The following TTLL3 variants were observed in gnomAD, a reference collection of about 807,000 sequenced individuals.
The protein encoded by TTLL3 is tubulin tyrosine ligase like 3, also known as tubulin monoglycylase TTLL3.
Under a neutral mutation model 75.2 loss-of-function variants are expected in TTLL3, and 63 were observed. That is an observed-to-expected ratio of 0.84 (90% confidence interval 0.68 to 1.03). The LOEUF is 1.03. Among genes scored for constraint, TTLL3 ranks in the 50% least tolerant of loss-of-function variants. The probability of loss-of-function intolerance (pLI) is 0.00; values close to 1 mark genes in which losing one functional copy is unlikely to be tolerated. For synonymous variants in TTLL3, 393 were observed against 418.5 expected (o/e 0.94, Z 0.74); for missense variants, 997 against 1,069.9 (o/e 0.93, Z 0.95).
At chr3:9,828,930 T>C (rs1180971272) in intron 10 of TTLL3, 30 bp from the exon 11 acceptor site, 7 of 1,610,666 alleles carry the variant, frequency 4.3e-6, no homozygotes, top group Non-Finnish European at 5.9e-6. Context: ...CACAAGGGCC[T>C]GGACCTCAGT....
At position 9,822,062 on chromosome 3, in the gene TTLL3, C is replaced by CTTTT. The variant is rs1201552537; in HGVS notation, c.854+1339_854+1342dup. On this transcript the variant is annotated intron_variant, in intron 8 of 13. Coordinates refer to ENST00000685419, the MANE Select transcript of TTLL3 (RefSeq NM_001387446.1). ...AACATTAGTCATGAAGCACGAGTCC[C>CTTTT]TTTTTTTTTTTTTTTTTTTTTGAGA... Among the ~76,000 whole-genome samples, 117 of 75,374 alleles carry CTTTT rather than the reference C, an allele frequency of 1.6e-3. 3 individuals carry two copies. Among genetic ancestry groups the CTTTT allele is most frequent in the East Asian group, 8.9e-3 (22 of 2,474 alleles). The allele number at this position is 75,374 out of a possible 152,430, so 49.4% of individuals were successfully genotyped here.
Position 9,820,734 on chromosome 3 carries a change from G to C in TTLL3, c.847G>C (p.Val283Leu). The C allele has an allele frequency of 6.2e-7, 1 of 1,613,996 alleles. No individual in the cohort carries two copies. Among genetic ancestry groups the C allele is most frequent in the South Asian group, 1.1e-5 (1 of 91,074 alleles). ...WSLFLQRYYQ[V>L]VHEGAELRHL... ...CCTCTTCCTCCAGCGCTACTACCAA[G>C]TGGTCCAGTGAGTCCCCTGCAGCTG... The change falls in exon 8 of 14, where the codon GTG (valine) becomes CTG (leucine). Residue 283 changes from valine (V) to leucine (L), a missense_variant. Transcript: ENST00000685419.
intron 4 of TTLL3, 125 bp downstream of exon 4, chr3:9,813,470 A>G (rs2079533229): frequency 1.8e-6 from 2 of 1,125,522 alleles, no homozygotes; most frequent in Non-Finnish European, 2.5e-6. Flanking sequence ...TATCTGTAGT[A>G]AAAACTGCTT....
At chr3:9,822,818 A>G (rs2080604337) in intron 8 of TTLL3, among the ~76,000 whole-genome samples, 1 of 143,814 alleles carries the variant, frequency 7.0e-6, no homozygotes, top group African/African-American at 2.5e-5. Flanking sequence ...CATGTTGGCC[A>G]GGCTGGTCTT....
chr3:9,816,041 C>T (rs1156247895), intron 4 of TTLL3, 33 bp from the exon 5 acceptor site: 1 of 1,338,558 alleles, frequency 7.5e-7, no homozygotes, highest in Non-Finnish European at 1.0e-6. Flanking sequence ...CCCACACTGG[C>T]CTCTGTGTTT....
Position 9,825,837 on chromosome 3 carries a change from C to T in TTLL3, c.892C>T (p.Gln298Ter), listed in dbSNP as rs770079521. 1 of 1,614,134 alleles carries T rather than the reference C, an allele frequency of 6.2e-7. No individual in the cohort carries two copies. The highest frequency in any genetic ancestry group is 2.2e-5 in the East Asian group (1 of 44,886). The change falls in exon 9 of 14, where the codon CAG becomes TAG. Residue 298 changes from glutamine to a stop codon, truncating the protein, a stop_gained. Coordinates refer to ENST00000685419, the MANE Select transcript of TTLL3 (RefSeq NM_001387446.1). LOFTEE classifies it high-confidence loss of function. The part of the protein sequence containing the change: ...AELRHLDTQV[Q>*]RCEDILQQLQ... ...ACTCAGGCACCTCGACACTCAGGTC[C>T]AGCGCTGTGAGGACATCCTGCAGCA...
chr3:9,813,208 G>T (rs765233611), intron 3 of TTLL3, 40 bp from the exon 4 acceptor site: 3 of 1,614,138 alleles, frequency 1.9e-6, no homozygotes, highest in Non-Finnish European at 2.5e-6. Flanking sequence ...CTATGGGTCA[G>T]GGAGAGGAAA....
At chr3:9,822,747 T>G (rs1464030476) in intron 8 of TTLL3, among the ~76,000 whole-genome samples, 2 of 142,044 alleles carry the variant, frequency 1.4e-5, no homozygotes, top group East Asian at 4.2e-4. Flanking sequence ...ATATATATTA[T>G]AATATATATA....
In TTLL3 at chr3:9,827,112, C is replaced by T; in HGVS notation, c.1119C>T (p.Ile373=). 1 of 1,614,248 alleles carries T rather than the reference C, an allele frequency of 6.2e-7. No homozygotes were observed. Among genetic ancestry groups the T allele is most frequent in the South Asian group, 1.1e-5 (1 of 91,092 alleles). Residue 373 remains isoleucine (I), a synonymous_variant, in exon 10 of 14, where the codon ATC becomes ATT. Coordinates refer to ENST00000685419, the MANE Select transcript of TTLL3 (RefSeq NM_001387446.1). ...VQKYIERPLL[I]FGTKFDLRQW... ...AGTATATTGAGCGGCCCCTCCTCAT[C>T]TTTGGCACCAAGTTTGACCTCAGAC...
chr3:9,820,173 G>T (rs569687387), intron 7 of TTLL3: 3 of 1,020,952 alleles, frequency 2.9e-6, no homozygotes, highest in Admixed American at 5.3e-5. Flanking sequence ...TGTCAGACTT[G>T]GGGGAGGGGC....
intron 4 of TTLL3, among the ~76,000 whole-genome samples, chr3:9,815,029 G>T (rs919348871): frequency 3.9e-5 from 6 of 151,928 alleles, no homozygotes; most frequent in African/African-American, 1.5e-4. Context: ...TTTGAGGTCA[G>T]GAGTTCGAGA....
Position 9,813,270 on chromosome 3 carries a change from G to C in TTLL3, c.240G>C (p.Glu80Asp). ...TEDEDEDEDEEFQPSQLFDFD... is the reference protein window; with the variant it reads ...TEDEDEDEDEDFQPSQLFDFD... ...CAGAGGATGAAGATGAGGACGAGGA[G>C]TTCCAGCCATCACAGCTGTTCGACT... The change falls in exon 4 of 14, where the codon GAG becomes GAC. Residue 80 changes from glutamate to aspartate, a missense_variant. By Grantham distance (45) the Glu-to-Asp change is conservative. Transcript: ENST00000685419. The C allele has an allele frequency of 6.2e-7, 1 of 1,614,258 alleles. No homozygotes were observed. The highest frequency in any genetic ancestry group is 8.5e-7 in the Non-Finnish European group (1 of 1,180,044).
Position 9,820,622 on chromosome 3 carries a change from G to A in TTLL3, c.735G>A (p.Ala245=), listed in dbSNP as rs766896312. The change falls in exon 8 of 14, where the codon GCG becomes GCA. Residue 245 remains alanine (A), a synonymous_variant. Coordinates refer to ENST00000685419, the MANE Select transcript of TTLL3 (RefSeq NM_001387446.1). ...SPEFVDEALC[A]CEEYLSNLAH... ...AGTTTGTGGATGAAGCTCTGTGTGC[G>A]TGCGAGGAGTACCTTAGCAACTTGG... 8.1e-6 allele frequency: 13 copies of A among 1,614,084 alleles called. No individual in the cohort carries two copies. Among genetic ancestry groups the A allele is most frequent in the South Asian group, 2.2e-5 (2 of 91,080 alleles).
chr3:9,834,572 C>G, intron 12 of TTLL3, 109 bp from the exon 13 acceptor site: 1 of 1,529,086 alleles, frequency 6.5e-7, no homozygotes, highest in Non-Finnish European at 8.8e-7. Context: ...CTCCGTCGGC[C>G]TTCACCCCAT....
At chr3:9,814,811 C>A (rs541685633) in intron 4 of TTLL3, among the ~76,000 whole-genome samples, 1 of 151,672 alleles carries the variant, frequency 6.6e-6, no homozygotes, top group Admixed American at 6.6e-5. Context: ...ACAGAACAAG[C>A]GATAACTCCA....
In TTLL3 at chr3:9,810,357, C is replaced by G. The variant is rs1293527198; in HGVS notation, c.-79C>G. ...CCTCGGATACCCACCCCCTCGGCCCCCCGCACACCCCGGTCCTCGACCCCT... is the reference window on the plus strand; with the variant it reads ...CCTCGGATACCCACCCCCTCGGCCCGCCGCACACCCCGGTCCTCGACCCCT... On this transcript the variant is annotated 5_prime_UTR_variant, in exon 1 of 14. Coordinates refer to ENST00000685419, the MANE Select transcript of TTLL3 (RefSeq NM_001387446.1). This position sits in a 1 kb window ranked among gnomAD's most constrained non-coding sequence, Gnocchi z 4.4. 7.2e-7 allele frequency: 1 copy of G among 1,382,828 alleles called. No individual in the cohort carries two copies. Among genetic ancestry groups the G allele is most frequent in the Non-Finnish European group, 9.2e-7 (1 of 1,085,766 alleles). 85.7% of individuals were successfully genotyped at this position (1,382,828 alleles called of 1,614,324 possible).
intron 11 of TTLL3, among the ~76,000 whole-genome samples, chr3:9,831,113 T>C (rs1209572685): frequency 6.6e-6 from 1 of 152,186 alleles, no homozygotes; most frequent in African/African-American, 2.4e-5. Context: ...CTAAATGTCT[T>C]TTATTGCTGA....
At chr3:9,832,510 T>C (rs1454236549) in intron 11 of TTLL3, among the ~76,000 whole-genome samples, 4 of 152,096 alleles carry the variant, frequency 2.6e-5, no homozygotes, top group African/African-American at 7.2e-5. Context: ...CACAGGGAGC[T>C]CTCCTGGAGC....
At chr3:9,817,582 C>T (rs2080005086) in intron 5 of TTLL3, 63 bp from the exon 6 acceptor site, 2 of 1,610,926 alleles carry the variant, frequency 1.2e-6, no homozygotes, top group Non-Finnish European at 1.7e-6. Context: ...TCTTTCTGAA[C>T]TGTCTGGGTG....
Sources: allele counts gnomAD v4.1 joint callset (sites outside exome capture counted in the v4.1 genomes callset), GRCh38; gene constraint gnomAD v4.1.1; non-coding constraint Gnocchi (gnomAD v3.1); transcripts MANE v1.5; gene names NCBI Gene and HGNC (gene_info 2026-07-23, HGNC 2026-07-21).